The following CCDC181 variants were observed in gnomAD, a reference collection of about 807,000 sequenced individuals.
The protein encoded by CCDC181 is coiled-coil domain-containing protein 181.
In CCDC181, 35 loss-of-function variants were observed where a neutral mutation model predicts 58.7. That is an observed-to-expected ratio of 0.60 (90% CI 0.46 to 0.79). The LOEUF (loss-of-function observed/expected upper bound fraction) is 0.79. Among genes scored for constraint, CCDC181 ranks in the 30% least tolerant of loss-of-function variants. CCDC181 has a pLI of 0.00. For missense variants in CCDC181, 517 were observed against 583.9 expected (o/e 0.89, Z 1.18); for synonymous variants, 183 against 197.5 (o/e 0.93, Z 0.62).
intron 4 of CCDC181, among the ~76,000 whole-genome samples, chr1:169,401,475 A>G (rs1355210664): frequency 1.3e-5 from 2 of 152,222 alleles, no homozygotes; most frequent in Admixed American, 6.5e-5. Context: ...TCAGGCAGCA[A>G]CATTTGCTGT....
At chr1:169,409,040 T>A (rs1655819159) in intron 4 of CCDC181, among the ~76,000 whole-genome samples, 1 of 152,162 alleles carries the variant, frequency 6.6e-6, no homozygotes, top group Admixed American at 6.5e-5. Context: ...AGAATGAGTT[T>A]GACGAATTGA....
Position 169,424,857 on chromosome 1 carries a change from T to A in CCDC181, c.71A>T (p.Glu24Val). Residue 24 changes from glutamate to valine, a missense_variant, in exon 2 of 6, where the codon GAG becomes GTG. Physicochemically the swap from Glu to Val is moderately radical, Grantham distance 121 (BLOSUM62 -2). Transcript: ENST00000367806. ...EYEDDFEKDL[E>V]WLINENEKSD... ...TTTTTCATTTTCATTAATTAACCAC[T>A]CCAGGTCCTTTTCAAAGTCATCTTC... The A allele has an allele frequency of 6.2e-7, 1 of 1,609,042 alleles. No individual in the cohort carries two copies. Among genetic ancestry groups the A allele is most frequent in the Non-Finnish European group, 8.5e-7 (1 of 1,176,214 alleles).
intron 4 of CCDC181, among the ~76,000 whole-genome samples, chr1:169,410,210 CAAAA>C (rs35345802): frequency 3.5e-5 from 3 of 85,520 alleles, no homozygotes; most frequent in Admixed American, 1.1e-4. Flanking sequence ...AAATGGAAAG[CAAAA>C]AAAAAAAAAA....
intron 4 of CCDC181, among the ~76,000 whole-genome samples, chr1:169,406,541 A>G (rs570417601): frequency 6.6e-6 from 1 of 152,292 alleles, no homozygotes; most frequent in Non-Finnish European, 1.5e-5. Flanking sequence ...GCAAACTATC[A>G]CAAGGACAGA....
intron 2 of CCDC181, among the ~76,000 whole-genome samples, chr1:169,436,185 A>C (rs1271078866): frequency 6.6e-6 from 1 of 152,134 alleles, no homozygotes. Flanking sequence ...AAAAAGAAAA[A>C]CAGTTGTGTT....
At chr1:169,452,474 G>A (rs1657567858) in intron 2 of CCDC181, 1 of 152,000 alleles carries the variant, frequency 6.6e-6, no homozygotes, top group African/African-American at 2.4e-5. Flanking sequence ...AAAGAAATGG[G>A]GCAGGAGGTA....
At chr1:169,458,989 T>A (rs1657757221) in intron 2 of CCDC181, among the ~76,000 whole-genome samples, 1 of 152,094 alleles carries the variant, frequency 6.6e-6, no homozygotes, top group Non-Finnish European at 1.5e-5. Context: ...CATATGGGAT[T>A]GCAGTTGACA....
chr1:169,441,362 TG>T (rs1220740849), intron 2 of CCDC181, among the ~76,000 whole-genome samples: 1 of 152,106 alleles, frequency 6.6e-6, no homozygotes, highest in Admixed American at 6.6e-5. Flanking sequence ...ATTTCTAAAA[TG>T]GGGCATTTTG....
intron 4 of CCDC181, among the ~76,000 whole-genome samples, chr1:169,414,696 C>T (rs1914505): frequency 0.67 from 101,765 of 152,058 alleles, 34,277 homozygotes; most frequent in East Asian, 0.93. Context: ...GATCTTTTAT[C>T]CATCTAATGT....
upstream of CCDC181, among the ~76,000 whole-genome samples, chr1:169,431,037 G>T (rs967109430): frequency 1.3e-5 from 2 of 152,198 alleles, no homozygotes; most frequent in African/African-American, 2.4e-5. Context: ...GATTTGCCAA[G>T]GAAGTAGCCT....
chr1:169,403,462 C>T (rs1655470971), intron 4 of CCDC181, among the ~76,000 whole-genome samples: 1 of 152,226 alleles, frequency 6.6e-6, no homozygotes, highest in South Asian at 2.1e-4. Context: ...CAAACTGTCT[C>T]TCAGACCACA....
intron 4 of CCDC181, among the ~76,000 whole-genome samples, chr1:169,410,279 T>C (rs1655894007): frequency 6.8e-6 from 1 of 146,922 alleles, no homozygotes; most frequent in Admixed American, 6.7e-5. Context: ...CCAACAAAGA[T>C]CAAAAAAGAC....
chr1:169,436,457 G>A (rs1319430534), intron 2 of CCDC181, among the ~76,000 whole-genome samples: 1 of 152,192 alleles, frequency 6.6e-6, no homozygotes, highest in Non-Finnish European at 1.5e-5. Context: ...CCAAGCTGGA[G>A]TGCTGTGGCA....
At chr1:169,406,542 C>A (rs1655666145) in intron 4 of CCDC181, among the ~76,000 whole-genome samples, 1 of 152,142 alleles carries the variant, frequency 6.6e-6, no homozygotes. Flanking sequence ...CAAACTATCA[C>A]AAGGACAGAA....
chr1:169,418,733 C>T, intron 4 of CCDC181: 1 of 429,360 alleles, frequency 2.3e-6, no homozygotes, highest in Non-Finnish European at 4.1e-6. Context: ...TGTATCTTTG[C>T]CCTGTTTGAA....
At chr1:169,459,912 A>AAAAAAAC (rs1657796678) in intron 1 of CCDC181, 1 of 67,248 alleles carries the variant, frequency 1.5e-5, no homozygotes, top group African/African-American at 5.3e-5. Context: ...TAGGAAAAAA[A>AAAAAAAC]AAAAAAAAAA....
chr1:169,441,718 A>G (rs984184503), intron 2 of CCDC181, among the ~76,000 whole-genome samples: 3 of 151,884 alleles, frequency 2.0e-5, no homozygotes, highest in African/African-American at 7.3e-5. Context: ...TATGCTTTTT[A>G]AACTCTGACG....
chr1:169,418,991 T>C, intron 4 of CCDC181, 22 bp downstream of exon 4: 8 of 1,583,950 alleles, frequency 5.1e-6, no homozygotes, highest in Non-Finnish European at 6.9e-6. Flanking sequence ...ATGAACTTAT[T>C]TTTCAGAGAA....
At position 169,415,671 on chromosome 1, in the gene CCDC181, A is replaced by C. The variant is rs1296354172; in HGVS notation, c.1215+3342T>G. Among the ~76,000 whole-genome samples, 5 of 152,150 alleles carry C rather than the reference A, an allele frequency of 3.3e-5. No individual in the cohort carries two copies. The East Asian group carries it at 5.8e-4, about 18-fold the overall frequency. The stretch of plus-strand genomic sequence containing the variant: ...CCCATCCTCCTTTGACATTTGTATC[A>C]TTTGGCTCTATTAAAAATAGTTATG... On this transcript the variant is annotated intron_variant, in intron 4 of 5. Transcript: ENST00000367806.
Sources: gnomAD v4.1 joint callset for allele counts (sites outside exome capture counted in the v4.1 genomes callset) on GRCh38, gnomAD v4.1.1 for gene constraint, MANE v1.5 for transcripts, NCBI Gene and HGNC (gene_info 2026-07-23, HGNC 2026-07-21) for gene names.